Variants in STARD13 observed in about 807,000 individuals in gnomAD.
The protein encoded by STARD13 is stAR-related lipid transfer protein 13.
Under a neutral mutation model 106.4 loss-of-function variants are expected in STARD13, and 62 were observed. The ratio of observed to expected loss-of-function variants is 0.58; its 90% confidence interval spans 0.48 to 0.72. The LOEUF (loss-of-function observed/expected upper bound fraction) is 0.72. Among genes scored for constraint, STARD13 ranks in the 30% least tolerant of loss-of-function variants. The probability of loss-of-function intolerance (pLI) is 0.00; values close to 1 mark genes in which losing one functional copy is unlikely to be tolerated. For synonymous variants in STARD13, 565 were observed against 553.0 expected (o/e 1.02, Z -0.31); for missense variants, 1,387 against 1,424.0 (o/e 0.97, Z 0.42).
At chr13:33,258,660 A>C (rs187918718) in intron 1 of STARD13, among the ~76,000 whole-genome samples, 1 of 152,226 alleles carries the variant, frequency 6.6e-6, no homozygotes, top group East Asian at 1.9e-4. Flanking sequence ...TTTCTTACAC[A>C]AGGACTTAAT....
intron 1 of STARD13, among the ~76,000 whole-genome samples, chr13:33,236,592 T>G (rs1889201303): frequency 6.6e-6 from 1 of 152,174 alleles, no homozygotes; most frequent in South Asian, 2.1e-4. Flanking sequence ...AGCAATATGG[T>G]GGTCTAATGC....
At chr13:33,236,424 G>A (rs1359333684) in intron 1 of STARD13, among the ~76,000 whole-genome samples, 1 of 152,222 alleles carries the variant, frequency 6.6e-6, no homozygotes, top group Non-Finnish European at 1.5e-5. Context: ...GAGTGTTAGA[G>A]ATTTTGAGGA....
the STARD13 span, among the ~76,000 whole-genome samples, chr13:33,624,300 A>G: frequency 0.12 from 18,429 of 152,230 alleles, 2,821 homozygotes; most frequent in African/African-American, 0.36. Flanking sequence ...ATAAAAACAA[A>G]TGAACTACTG....
At chr13:33,601,112 G>A in the STARD13 span, among the ~76,000 whole-genome samples, 1 of 152,136 alleles carries the variant, frequency 6.6e-6, no homozygotes, top group Non-Finnish European at 1.5e-5. Context: ...AGGTGGAAGG[G>A]CTAAAACATG....
chr13:33,229,454 G>A (rs1888794441), intron 1 of STARD13, among the ~76,000 whole-genome samples: 1 of 152,232 alleles, frequency 6.6e-6, no homozygotes, highest in Non-Finnish European at 1.5e-5. Context: ...ATTACCAGAA[G>A]GACAAGATGC....
intron 11 of STARD13, 152 bp downstream of exon 11, chr13:33,110,534 T>C (rs2138066853): frequency 3.0e-6 from 2 of 669,242 alleles, no homozygotes; most frequent in East Asian, 5.2e-5. Flanking sequence ...AACAGATCTC[T>C]GGACTGAGTT....
At chr13:33,266,678 TC>T (rs1285060504) in intron 1 of STARD13, among the ~76,000 whole-genome samples, 20 of 152,320 alleles carry the variant, frequency 1.3e-4, no homozygotes, top group African/African-American at 4.8e-4. Flanking sequence ...CCCAGTGGTC[TC>T]CCCTCTTTAC....
chr13:33,480,116 A>G, the STARD13 span, among the ~76,000 whole-genome samples: 2 of 152,220 alleles, frequency 1.3e-5, no homozygotes, highest in Non-Finnish European at 2.9e-5. Flanking sequence ...GAATACTTGT[A>G]TGTGTATTTA....
intron 1 of STARD13, among the ~76,000 whole-genome samples, chr13:33,190,279 A>T (rs1014267509): frequency 3.9e-5 from 6 of 152,148 alleles, no homozygotes; most frequent in Non-Finnish European, 5.9e-5. Flanking sequence ...AAAAAAAATG[A>T]AAAGAATTTA....
chr13:33,247,684 T>C (rs1475295111), intron 1 of STARD13, among the ~76,000 whole-genome samples: 1 of 152,194 alleles, frequency 6.6e-6, no homozygotes, highest in African/African-American at 2.4e-5. Context: ...ATATTAGATA[T>C]CCCAGTTATA....
intron 1 of STARD13, among the ~76,000 whole-genome samples, chr13:33,295,757 A>T (rs1211260752): frequency 2.0e-5 from 3 of 152,208 alleles, no homozygotes; most frequent in African/African-American, 7.2e-5. Flanking sequence ...GGTATTCTGC[A>T]TGGCAGAAAG....
chr13:33,513,846 C>T, the STARD13 span, among the ~76,000 whole-genome samples: 2 of 152,040 alleles, frequency 1.3e-5, no homozygotes, highest in Non-Finnish European at 2.9e-5. Flanking sequence ...ATATGTTTCC[C>T]CCATTAATGA....
intron 7 of STARD13, among the ~76,000 whole-genome samples, chr13:33,120,852 G>C (rs1876175055): frequency 6.6e-6 from 1 of 151,142 alleles, no homozygotes; most frequent in Non-Finnish European, 1.5e-5. Context: ...TGATTCTCCT[G>C]TCTCAGCCTA....
the STARD13 span, among the ~76,000 whole-genome samples, chr13:33,493,112 G>A: frequency 6.6e-6 from 1 of 152,200 alleles, no homozygotes; most frequent in Non-Finnish European, 1.5e-5. Flanking sequence ...TTCCAAGCAG[G>A]TTAAATTTTC....
chr13:33,460,050 G>A, the STARD13 span, among the ~76,000 whole-genome samples: 11 of 152,116 alleles, frequency 7.2e-5, no homozygotes, highest in East Asian at 1.5e-3. Context: ...TCTTACACTC[G>A]GAGTTCACTG....
the STARD13 span, among the ~76,000 whole-genome samples, chr13:33,415,855 A>T: frequency 6.6e-6 from 1 of 152,262 alleles, no homozygotes; most frequent in Non-Finnish European, 1.5e-5. Context: ...TACTAACGCA[A>T]TCTGTAAGAT....
intron 1 of STARD13, among the ~76,000 whole-genome samples, chr13:33,333,459 A>T (rs2077860260): frequency 6.6e-6 from 1 of 152,180 alleles, no homozygotes; most frequent in African/African-American, 2.4e-5. Context: ...ATGCAATAAC[A>T]ACAGCAGTAT....
chr13:33,105,747 T>C, intron 13 of STARD13, 37 bp from the exon 14 acceptor site: 2 of 1,559,830 alleles, frequency 1.3e-6, no homozygotes, highest in Non-Finnish European at 1.8e-6. Flanking sequence ...GTGGGAAAGT[T>C]TGTTTCCAAA....
chr13:33,518,012 C>CA, the STARD13 span, among the ~76,000 whole-genome samples: 1 of 147,280 alleles, frequency 6.8e-6, no homozygotes, highest in Non-Finnish European at 1.5e-5. Context: ...CAAAAACAAA[C>CA]AACAACAACA....
Sources: allele counts gnomAD v4.1 joint callset (sites outside exome capture counted in the v4.1 genomes callset), GRCh38; gene constraint gnomAD v4.1.1; transcripts MANE v1.5; gene names NCBI Gene and HGNC (gene_info 2026-07-23, HGNC 2026-07-21).